Variants in COL25A1 observed in about 807,000 individuals in gnomAD.
COL25A1 encodes the protein collagen type XXV alpha 1 chain, also known as collagen alpha-1(XXV) chain.
A neutral mutation model predicts 128.4 loss-of-function variants in COL25A1; 103 were observed. That is an observed-to-expected ratio of 0.80 (90% CI 0.68 to 0.94). The LOEUF is 0.94. Ranked by LOEUF, COL25A1 falls within the 40% of genes least tolerant of loss-of-function variation. COL25A1 has a pLI of 0.00. For missense variants in COL25A1, 745 were observed against 840.0 expected, an observed-to-expected ratio of 0.89 and a Z score of 1.40; for synonymous variants, 279 against 277.2, an observed-to-expected ratio of 1.01 and a Z score of -0.06.
intron 32 of COL25A1, among the ~76,000 whole-genome samples, chr4:108,828,825 G>A (rs991058075): frequency 1.6e-4 from 25 of 152,096 alleles, no homozygotes; most frequent in African/African-American, 5.6e-4. Context: ...TTGGCAAAAC[G>A]CCAGGTTCAG....
At chr4:109,078,567 G>C (rs1763574558) in intron 3 of COL25A1, among the ~76,000 whole-genome samples, 1 of 152,130 alleles carries the variant, frequency 6.6e-6, no homozygotes, top group Non-Finnish European at 1.5e-5. Context: ...TCTGGCATCA[G>C]ATTAAGAATA....
intron 3 of COL25A1, among the ~76,000 whole-genome samples, chr4:109,164,940 T>C (rs1772926521): frequency 6.6e-6 from 1 of 152,196 alleles, no homozygotes. Context: ...TGCAGAAATA[T>C]GTTTCCCAAA....
intron 22 of COL25A1, among the ~76,000 whole-genome samples, chr4:108,861,198 AAAC>A (rs1394063150): frequency 6.6e-6 from 1 of 152,204 alleles, no homozygotes; most frequent in African/African-American, 2.4e-5. Flanking sequence ...GAGTATCTTG[AAAC>A]AACAATATAT....
intron 5 of COL25A1, among the ~76,000 whole-genome samples, chr4:109,017,696 T>C (rs1276143565): frequency 6.6e-6 from 1 of 152,230 alleles, no homozygotes; most frequent in African/African-American, 2.4e-5. Flanking sequence ...TATTTTGAAA[T>C]ATTGATTAGG....
At chr4:109,047,629 A>C (rs1760558620) in intron 5 of COL25A1, among the ~76,000 whole-genome samples, 2 of 152,204 alleles carry the variant, frequency 1.3e-5, no homozygotes, top group Admixed American at 1.3e-4. Context: ...GAAATAAAAA[A>C]ATTTAAAACA....
chr4:109,288,962 T>TAC (rs3079876), intron 3 of COL25A1, among the ~76,000 whole-genome samples: 2,968 of 133,540 alleles, frequency 0.022, 25 homozygotes, highest in Non-Finnish European at 0.03. Context: ...AAATTATATA[T>TAC]ACACACACAC....
chr4:108,934,182 C>T (rs964068018), intron 11 of COL25A1, among the ~76,000 whole-genome samples: 2 of 152,030 alleles, frequency 1.3e-5, no homozygotes, highest in African/African-American at 2.4e-5. Flanking sequence ...ATGTCCTTTG[C>T]AGGGACATGG....
At chr4:109,293,668 A>G (rs1724685671) in intron 3 of COL25A1, among the ~76,000 whole-genome samples, 1 of 152,158 alleles carries the variant, frequency 6.6e-6, no homozygotes, top group South Asian at 2.1e-4. Flanking sequence ...TAGTCTTGGT[A>G]TTCATGACAA....
intron 3 of COL25A1, among the ~76,000 whole-genome samples, chr4:109,268,933 TTTC>T (rs1042278458): frequency 6.6e-6 from 1 of 152,100 alleles, no homozygotes; most frequent in Non-Finnish European, 1.5e-5. Context: ...GCAAATTCTT[TTTC>T]TTTTTTTTTT....
chr4:109,187,337 C>T (rs996286864), intron 3 of COL25A1, among the ~76,000 whole-genome samples: 23 of 152,104 alleles, frequency 1.5e-4, no homozygotes, highest in African/African-American at 5.6e-4. Flanking sequence ...GATGGATGTT[C>T]AGTCATTTGG....
intron 3 of COL25A1, among the ~76,000 whole-genome samples, chr4:109,070,886 T>C (rs1383502584): frequency 6.6e-6 from 1 of 152,096 alleles, no homozygotes. Flanking sequence ...TATGGCTGCA[T>C]AGTATTCCAT....
chr4:108,920,673 T>G, intron 11 of COL25A1, 69 bp from the exon 12 acceptor site: 1 of 1,094,904 alleles, frequency 9.1e-7, no homozygotes, highest in Non-Finnish European at 1.3e-6. Flanking sequence ...CAATTTAAAC[T>G]GTCCTATTCT....
At chr4:109,209,085 T>C (rs1209233915) in intron 3 of COL25A1, among the ~76,000 whole-genome samples, 2 of 152,190 alleles carry the variant, frequency 1.3e-5, no homozygotes, top group African/African-American at 4.8e-5. Flanking sequence ...CCTCTTCCAC[T>C]AGATATACTG....
At chr4:108,838,720 T>C (rs1411857982) in intron 31 of COL25A1, among the ~76,000 whole-genome samples, 1 of 152,182 alleles carries the variant, frequency 6.6e-6, no homozygotes, top group Non-Finnish European at 1.5e-5. Flanking sequence ...GATCCCTACA[T>C]GGACTAATCA....
rs79358094 is a variant in COL25A1 at position 108,881,747 on chromosome 4, C to T, written c.1020+2431G>A. Among the ~76,000 whole-genome samples the T allele has an allele frequency of 4.7e-3, 718 of 152,222 alleles. 14 individuals carry two copies. In the East Asian group the frequency reaches 0.061, roughly 13 times the overall value. Reference sequence around the variant, plus strand: ...ATCCAATGACCACTAATAGTTGTGACGTATCTTTAAATTGTCTCCTTTTCA... The same window carrying T: ...ATCCAATGACCACTAATAGTTGTGATGTATCTTTAAATTGTCTCCTTTTCA... On this transcript the variant is annotated intron_variant, in intron 19 of 37. Transcript: ENST00000399132.
chr4:109,006,234 G>A (rs1271253777), intron 6 of COL25A1, among the ~76,000 whole-genome samples: 6 of 151,602 alleles, frequency 4.0e-5, no homozygotes, highest in South Asian at 2.1e-4. Context: ...GGGGGGTGGC[G>A]GGTGGGTCTC....
intron 3 of COL25A1, among the ~76,000 whole-genome samples, chr4:109,131,467 A>G (rs1457401037): frequency 6.6e-6 from 1 of 152,196 alleles, no homozygotes; most frequent in Non-Finnish European, 1.5e-5. Context: ...GCCTTACTCA[A>G]TCAGATCATC....
At chr4:108,952,942 G>A (rs1174707962) in intron 8 of COL25A1, among the ~76,000 whole-genome samples, 1 of 133,538 alleles carries the variant, frequency 7.5e-6, no homozygotes, top group East Asian at 2.5e-4. Context: ...ATGAGTATTT[G>A]CTAAACATCC....
At chr4:108,915,491 T>C (rs1744766094) in intron 13 of COL25A1, among the ~76,000 whole-genome samples, 1 of 152,226 alleles carries the variant, frequency 6.6e-6, no homozygotes, top group Non-Finnish European at 1.5e-5. Context: ...ATGGGCCACC[T>C]TTCCTGGCCA....
Sources: allele counts gnomAD v4.1 joint callset (sites outside exome capture counted in the v4.1 genomes callset), GRCh38; gene constraint gnomAD v4.1.1; transcripts MANE v1.5; gene names NCBI Gene and HGNC (gene_info 2026-07-23, HGNC 2026-07-21).